The following CCDC88B variants were observed in gnomAD, a reference collection of about 807,000 sequenced individuals.
CCDC88B encodes coiled-coil and HOOK domain protein 88B.
Under a neutral mutation model 183.7 loss-of-function variants are expected in CCDC88B, and 138 were observed. The observed-to-expected ratio is 0.75, with a 90% CI of 0.65 to 0.87. CCDC88B has a LOEUF of 0.87. Among genes scored for constraint, CCDC88B ranks in the 40% least tolerant of loss-of-function variants. The pLI, the probability that CCDC88B is intolerant of heterozygous loss-of-function variation, is 0.00. For missense variants in CCDC88B, 1,822 were observed against 1,965.6 expected, an observed-to-expected ratio of 0.93 and a Z score of 1.38; for synonymous variants, 835 against 867.5, an observed-to-expected ratio of 0.96 and a Z score of 0.66.
At chr11:64,348,997 C>T in intron 14 of CCDC88B, 1 of 717,372 alleles carries the variant, frequency 1.4e-6, no homozygotes, top group Non-Finnish European at 2.6e-6. Context: ...GGGGTGGCAG[C>T]CCACCGGGCG....
rs934415370 is a variant in CCDC88B at position 64,353,367 on chromosome 11, G to A, written c.3704G>A (p.Arg1235Gln). Residue 1235 changes from arginine to glutamine, a missense_variant, in exon 22 of 27, where the codon CGA becomes CAA. By Grantham distance (43) the Arg-to-Gln change is conservative (BLOSUM62 1). Transcript: ENST00000356786. ...CCCTGCCAGCTATTGACACAGCTGC[G>A]AAGTGCCCAGGAAGAGGAGAACCGG... ...TTQCELLTQLRSAQEEENRQL... is the reference protein window; with the variant it reads ...TTQCELLTQLQSAQEEENRQL... The A allele has an allele frequency of 2.8e-5, 45 of 1,613,510 alleles. 1 individual carries two copies. The highest frequency in any genetic ancestry group is 3.5e-5 in the Non-Finnish European group (41 of 1,179,978).
chr11:64,351,472 G>A lies in CCDC88B; in HGVS notation c.2959-4G>A, dbSNP rs761893983. On this transcript the variant is annotated splice_region_variant and splice_polypyrimidine_tract_variant and intron_variant, in intron 17 of 26. Coordinates refer to ENST00000356786, the MANE Select transcript of CCDC88B (RefSeq NM_032251.6). ...GGCTATTGCTAACCCCCACTTCTGG[G>A]CAGAATGCGATGCTGGTGGCAGAGA... 1.3e-5 allele frequency: 20 copies of A among 1,585,252 alleles called. No homozygotes were observed. Among genetic ancestry groups the A allele is most frequent in the African/African-American group, 2.7e-5 (2 of 74,576 alleles).
At chr11:64,341,888 TG>T in intron 7 of CCDC88B, 105 bp from the exon 8 acceptor site, 1 of 673,854 alleles carries the variant, frequency 1.5e-6, no homozygotes. Flanking sequence ...CACAACCAGA[TG>T]GCCCAAGACC....
chr11:64,352,876 C>G lies in CCDC88B; in HGVS notation c.3489C>G (p.Ser1163Arg). 6.3e-7 allele frequency: 1 copy of G among 1,594,960 alleles called. No homozygotes were observed. Among genetic ancestry groups the G allele is most frequent in the Non-Finnish European group, 8.5e-7 (1 of 1,171,960 alleles). Residue 1163 changes from serine to arginine, a missense_variant, in exon 20 of 27, where the codon AGC (serine) becomes AGG (arginine). Physicochemically the swap from Ser to Arg is moderately radical, Grantham distance 110 (BLOSUM62 -1). Transcript: ENST00000356786. Reference sequence around the variant, plus strand: ...AGGAGGAGCTGCGGAGGCTTCAGAGCGAGCACGACAGGTGCCGCCCCTGCC... The same window carrying G: ...AGGAGGAGCTGCGGAGGCTTCAGAGGGAGCACGACAGGTGCCGCCCCTGCC... ...GLEEELRRLQSEHDRAQMLLA... is the reference protein window; with the variant it reads ...GLEEELRRLQREHDRAQMLLA...
rs1326587767 is a variant in CCDC88B, at chr11:64,351,098, C to A, written c.2863-62C>A. On this transcript the variant is annotated intron_variant, in intron 16 of 26. Coordinates refer to ENST00000356786, the MANE Select transcript of CCDC88B (RefSeq NM_032251.6). Reference sequence around the variant, plus strand: ...CAGGGCAGGTCCATAAGCGCAGGTCCTTGAGGCATCCCCAAGGCACTGCGG... The same window carrying A: ...CAGGGCAGGTCCATAAGCGCAGGTCATTGAGGCATCCCCAAGGCACTGCGG... 4 of 1,285,806 alleles carry A rather than the reference C, an allele frequency of 3.1e-6. No individual in the cohort carries two copies. The African/African-American group carries it at 6.1e-5, about 19-fold the overall frequency. 79.6% of individuals were successfully genotyped at this position (1,285,806 alleles called of 1,614,324 possible). A position where few individuals can be genotyped will look rare whatever the true frequency, so the allele number is the denominator to read the frequency against.
At chr11:64,349,159 G>C (rs1031862729) in intron 14 of CCDC88B, 172 bp from the exon 15 acceptor site, 6 of 820,832 alleles carry the variant, frequency 7.3e-6, no homozygotes, top group Non-Finnish European at 1.2e-5. Flanking sequence ...CCAATTTCAA[G>C]GGCCCCAGGC....
intron 17 of CCDC88B, 86 bp downstream of exon 17, chr11:64,351,341 T>C (rs1189516759): frequency 2.7e-6 from 4 of 1,490,786 alleles, no homozygotes; most frequent in Non-Finnish European, 3.6e-6. Context: ...CTGGGGGGTA[T>C]CCCGTGCAGT....
At chr11:64,343,039 G>T in intron 10 of CCDC88B, 140 bp from the exon 11 acceptor site, 3 of 988,356 alleles carry the variant, frequency 3.0e-6, no homozygotes, top group South Asian at 1.7e-5. Flanking sequence ...AGGGAGTGGC[G>T]GGGCCTAGAG....
In CCDC88B at chr11:64,355,758, C is replaced by T. The variant is rs892074226; in HGVS notation, c.4375+130C>T. 4.7e-6 allele frequency: 4 copies of T among 849,642 alleles called. No individual in the cohort carries two copies. In the African/African-American group the frequency reaches 6.9e-5, roughly 15 times the overall value. The allele number at this position is 849,642 out of a possible 1,614,324, so 52.6% of individuals were successfully genotyped here. ...TGCCAGGTGACGTGCTGGCAGGGGA[C>T]ACAGCAGGGAACGTTCTGGTGTGAG... On this transcript the variant is annotated intron_variant, in intron 26 of 26. Coordinates refer to ENST00000356786, the MANE Select transcript of CCDC88B (RefSeq NM_032251.6).
Position 64,344,403 on chromosome 11 carries a change from G to T in CCDC88B, c.1862G>T (p.Gly621Val), listed in dbSNP as rs765328663. 9 of 1,588,236 alleles carry T rather than the reference G, an allele frequency of 5.7e-6. No individual in the cohort carries two copies. The highest frequency in any genetic ancestry group is 4.5e-5 in the South Asian group (4 of 87,932). ...GTKIQAPQLL[G>V]GETEGREAPQ... The stretch of plus-strand genomic sequence containing the variant: ...AAAATTCAGGCCCCGCAGTTGCTGG[G>T]AGGAGAGACAGAGGGAAGAGAGGCT... The change falls in exon 14 of 27, where the codon GGA (glycine) becomes GTA (valine). Residue 621 changes from glycine (G) to valine (V), a missense_variant. Gly to Val is a moderately radical substitution (Grantham distance 109). Coordinates refer to ENST00000356786, the MANE Select transcript of CCDC88B (RefSeq NM_032251.6). This position sits in a 1 kb window ranked among gnomAD's most constrained non-coding sequence, Gnocchi z 4.5.
intron 26 of CCDC88B, 41 bp downstream of exon 26, chr11:64,355,669 G>A: frequency 6.5e-7 from 1 of 1,536,088 alleles, no homozygotes. Flanking sequence ...TCTTTGTCCT[G>A]CCTGGGGCCC....
intron 26 of CCDC88B, 148 bp from the exon 27 acceptor site, chr11:64,356,891 C>T (rs2036562729): frequency 9.8e-6 from 7 of 711,214 alleles, no homozygotes; most frequent in Admixed American, 5.3e-5. Context: ...CAGAGGGAAC[C>T]GCTGAGGGAA....
Position 64,343,784 on chromosome 11 carries a change from T to C in CCDC88B, c.1325T>C (p.Leu442Pro). The change falls in exon 13 of 27, where the codon CTA becomes CCA. Residue 442 changes from leucine to proline, a missense_variant. By Grantham distance (98) the Leu-to-Pro change is moderately conservative (BLOSUM62 -3). Coordinates refer to ENST00000356786, the MANE Select transcript of CCDC88B (RefSeq NM_032251.6). The part of the protein sequence containing the change: ...PPPGSPGEAP[L>P]AGAAPSLQDE... ...CCTCATCTCTCATCCTCAGCACCCC[T>C]AGCAGGAGCGGCCCCCTCGCTGCAA... The C allele has an allele frequency of 6.4e-7, 1 of 1,572,864 alleles. No homozygotes were observed.
In CCDC88B at chr11:64,353,038, C is replaced by T; in HGVS notation, c.3501-16C>T. Reference sequence around the variant, plus strand: ...GACCCAGGTCCCTTGGAGAGCAGCTCTCCTTGCCTCCCAAGGGCTCAGATG... The same window carrying T: ...GACCCAGGTCCCTTGGAGAGCAGCTTTCCTTGCCTCCCAAGGGCTCAGATG... On this transcript the variant is annotated splice_polypyrimidine_tract_variant and intron_variant, in intron 20 of 26. Coordinates refer to ENST00000356786, the MANE Select transcript of CCDC88B (RefSeq NM_032251.6). The T allele has an allele frequency of 6.3e-7, 1 of 1,576,508 alleles. No homozygotes were observed. The highest frequency in any genetic ancestry group is 8.6e-7 in the Non-Finnish European group (1 of 1,160,882).
chr11:64,351,639 A>T, intron 18 of CCDC88B, 23 bp downstream of exon 18: 1 of 1,544,112 alleles, frequency 6.5e-7, no homozygotes, highest in Non-Finnish European at 8.7e-7. Context: ...CCGGGTGCCC[A>T]TCCCTGCCCA....
rs1227198695 is a variant in CCDC88B at position 64,344,563 on chromosome 11, G to T, written c.2022G>T (p.Thr674=). Residue 674 remains threonine, a synonymous_variant, in exon 14 of 27, where the codon ACG becomes ACT. Transcript: ENST00000356786. This position sits in a 1 kb window ranked among gnomAD's most constrained non-coding sequence, Gnocchi z 4.5. ...EGPNQGLDLA[T]GQAEAREHDQ... ...CAAACCAGGGCCTGGACCTGGCCAC[G>T]GGACAAGCAGAGGCCAGAGAGCATG... The T allele has an allele frequency of 1.2e-6, 2 of 1,605,854 alleles. No individual in the cohort carries two copies. Among genetic ancestry groups the T allele is most frequent in the Admixed American group, 1.7e-5 (1 of 58,236 alleles).
Position 64,352,232 on chromosome 11 carries a change from C to T in CCDC88B, c.3202C>T (p.Arg1068Cys), listed in dbSNP as rs566535104. The part of the protein sequence containing the change: ...RAARQSQEET[R>C]GQQQALLRDH... Reference sequence around the variant, plus strand: ...GGCACGGCAGTCCCAGGAGGAGACCCGCGGGCAGCAGCAGGCCCTGCTTCG... The same window carrying T: ...GGCACGGCAGTCCCAGGAGGAGACCTGCGGGCAGCAGCAGGCCCTGCTTCG... Residue 1068 changes from arginine to cysteine, a missense_variant, in exon 19 of 27, where the codon CGC (arginine) becomes TGC (cysteine). By Grantham distance (180) the Arg-to-Cys change is radical (BLOSUM62 -3). Coordinates refer to ENST00000356786, the MANE Select transcript of CCDC88B (RefSeq NM_032251.6). 30 of 1,609,818 alleles carry T rather than the reference C, an allele frequency of 1.9e-5. No individual in the cohort carries two copies. Among genetic ancestry groups the T allele is most frequent in the Middle Eastern group, 1.7e-4 (1 of 5,836 alleles).
In CCDC88B at chr11:64,342,076, C is replaced by T; in HGVS notation, c.758C>T (p.Ser253Leu). ...APSRAPAEGP[S>L]HHLALQLANA... The stretch of plus-strand genomic sequence containing the variant: ...TCTAGGGCTCCCGCCGAGGGCCCCT[C>T]GCACCATCTGGCCCTGCAGCTGGCC... Residue 253 changes from serine (S) to leucine (L), a missense_variant, in exon 8 of 27, where the codon TCG becomes TTG. Physicochemically the swap from Ser to Leu is moderately radical, Grantham distance 145. Transcript: ENST00000356786. The T allele has an allele frequency of 6.2e-7, 1 of 1,611,540 alleles. No homozygotes were observed. The highest frequency in any genetic ancestry group is 8.5e-7 in the Non-Finnish European group (1 of 1,179,392).
chr11:64,342,625 TGAGGCGCTGCCGC>T lies in CCDC88B; in HGVS notation c.1011_1023del (p.Arg337SerfsTer102). The T allele has an allele frequency of 6.5e-7, 1 of 1,528,256 alleles. No individual in the cohort carries two copies. Among genetic ancestry groups the T allele is most frequent in the East Asian group, 2.5e-5 (1 of 40,616 alleles). The allele number at this position is 1,528,256 out of a possible 1,614,324, so 94.7% of individuals were successfully genotyped here. On this transcript the variant is annotated frameshift_variant, in exon 10 of 27. Coordinates refer to ENST00000356786, the MANE Select transcript of CCDC88B (RefSeq NM_032251.6). LOFTEE classifies it high-confidence loss of function. ...CGCCTGCCCCGCCTGCAGGAGGAGC[TGAGGCGCTGCCGC>T]GAGCGGCTGCAGGCGGCTGAGGCCT...
Sources: gnomAD v4.1 joint callset for allele counts on GRCh38, gnomAD v4.1.1 for gene constraint, Gnocchi (gnomAD v3.1) non-coding constraint, MANE v1.5 for transcripts, NCBI Gene and HGNC (gene_info 2026-07-23, HGNC 2026-07-21) for gene names.